The following BCKDHB variants were observed in gnomAD, a reference collection of about 807,000 sequenced individuals.
BCKDHB encodes the protein 2-oxoisovalerate dehydrogenase subunit beta, mitochondrial.
A neutral mutation model predicts 48.5 loss-of-function variants in BCKDHB; 41 were observed. The observed-to-expected ratio is 0.85, with a 90% CI of 0.66 to 1.10. The LOEUF (loss-of-function observed/expected upper bound fraction) is 1.10, where lower values mean the gene tolerates loss of function less well. Among genes scored for constraint, BCKDHB ranks in the 50% least tolerant of loss-of-function variants. The pLI, the probability that BCKDHB is intolerant of heterozygous loss-of-function variation, is 0.00. For synonymous variants in BCKDHB, 201 were observed against 174.8 expected, an observed-to-expected ratio of 1.15 and a Z score of -1.18; for missense variants, 496 against 494.2, an observed-to-expected ratio of 1.00 and a Z score of -0.03.
intron 1 of BCKDHB, 64 bp from the exon 2 acceptor site, chr6:80,127,483 A>G: frequency 7.6e-7 from 1 of 1,323,696 alleles, no homozygotes; most frequent in South Asian, 1.2e-5. Context: ...ATTAACTGTT[A>G]AGAAACTGGT....
At chr6:80,216,798 G>C (rs983951885) in intron 8 of BCKDHB, among the ~76,000 whole-genome samples, 1 of 151,968 alleles carries the variant, frequency 6.6e-6, no homozygotes, top group Non-Finnish European at 1.5e-5. Context: ...CTTTTTTTAC[G>C]AAATTGTATT....
chr6:80,114,496 G>C (rs1342735461), intron 1 of BCKDHB, among the ~76,000 whole-genome samples: 1 of 151,970 alleles, frequency 6.6e-6, no homozygotes, highest in Non-Finnish European at 1.5e-5. Flanking sequence ...CAGTCCTCTT[G>C]CTTTGGCCTC....
At chr6:80,227,898 G>A (rs1017391290) in intron 8 of BCKDHB, among the ~76,000 whole-genome samples, 1 of 152,188 alleles carries the variant, frequency 6.6e-6, no homozygotes, top group African/African-American at 2.4e-5. Context: ...AGAACCCACT[G>A]TAGGGGGTTA....
rs565811708 is a variant in BCKDHB at position 80,137,632 on chromosome 6, T to C, written c.343+8403T>C. ...GAAATGGAGGGTATATCTAGTCTAGTGGTTTTCAACTGCTGGTGATTTTGG... is the reference window on the plus strand; with the variant it reads ...GAAATGGAGGGTATATCTAGTCTAGCGGTTTTCAACTGCTGGTGATTTTGG... On this transcript the variant is annotated intron_variant, in intron 3 of 9. Transcript: ENST00000320393. 2.0e-5 allele frequency among the ~76,000 whole-genome samples: 3 copies of C among 152,250 alleles called. No individual in the cohort carries two copies. The South Asian group carries it at 6.2e-4, about 32-fold the overall frequency.
At chr6:80,448,577 G>GGGA in the BCKDHB span, among the ~76,000 whole-genome samples, 1 of 151,674 alleles carries the variant, frequency 6.6e-6, no homozygotes, top group Non-Finnish European at 1.5e-5. Context: ...TGGGACAAGG[G>GGGA]GGAAAAAAGG....
chr6:80,199,342 C>T (rs1176888912), intron 6 of BCKDHB, among the ~76,000 whole-genome samples: 6 of 152,138 alleles, frequency 3.9e-5, no homozygotes, highest in Non-Finnish European at 1.5e-5. Context: ...AACTGGGAGC[C>T]TTCCAGAGGG....
In BCKDHB at chr6:80,231,233, A is replaced by G. The variant is rs573098971; in HGVS notation, c.951+28021A>G. ...ATGATGCTTTAAATATAAAAACCAA[A>G]TAGTAAAACAATAGAAAAAAATTTA... On this transcript the variant is annotated intron_variant, in intron 8 of 9. Transcript: ENST00000320393. Among the ~76,000 whole-genome samples the G allele has an allele frequency of 2.6e-5, 4 of 152,348 alleles. No individual in the cohort carries two copies. The South Asian group carries it at 8.3e-4, about 32-fold the overall frequency.
chr6:80,446,694 A>C, the BCKDHB span, among the ~76,000 whole-genome samples: 1 of 151,804 alleles, frequency 6.6e-6, no homozygotes, highest in Non-Finnish European at 1.5e-5. Context: ...ATTTTGGAGA[A>C]TAAACCTGAG....
the BCKDHB span, among the ~76,000 whole-genome samples, chr6:80,359,502 T>G: frequency 1.3e-5 from 2 of 152,228 alleles, no homozygotes; most frequent in African/African-American, 4.8e-5. Context: ...GGGTTTATCC[T>G]TTTAAAAAAG....
Position 80,186,086 on chromosome 6 carries a change from G to A in BCKDHB, c.742+14696G>A, listed in dbSNP as rs574553035. ...AGAGTGCCAGCTGTGGTAGTAGAAGGGGGATACAAGTTTGTTCTTTGTTGG... is the reference window on the plus strand; with the variant it reads ...AGAGTGCCAGCTGTGGTAGTAGAAGAGGGATACAAGTTTGTTCTTTGTTGG... On this transcript the variant is annotated intron_variant, in intron 6 of 9. Coordinates refer to ENST00000320393, the MANE Select transcript of BCKDHB (RefSeq NM_183050.4). 4.6e-5 allele frequency among the ~76,000 whole-genome samples: 7 copies of A among 152,186 alleles called. No homozygotes were observed. The East Asian group carries it at 1.4e-3, about 29-fold the overall frequency.
chr6:80,387,754 T>C, the BCKDHB span, among the ~76,000 whole-genome samples: 3 of 152,270 alleles, frequency 2.0e-5, no homozygotes, highest in East Asian at 5.8e-4. Context: ...CTCAAGGGTA[T>C]ATCAACTCTC....
chr6:80,228,954 C>T (rs529072667), intron 8 of BCKDHB, among the ~76,000 whole-genome samples: 2 of 152,306 alleles, frequency 1.3e-5, no homozygotes, highest in South Asian at 4.1e-4. Flanking sequence ...TCAGGTATGC[C>T]TGAACATGCC....
the BCKDHB span, among the ~76,000 whole-genome samples, chr6:80,393,931 A>G: frequency 1.2e-4 from 18 of 152,238 alleles, no homozygotes; most frequent in South Asian, 4.1e-4. Flanking sequence ...TTTCTAAAAC[A>G]TATTTTTTAA....
At chr6:80,357,509 A>G in the BCKDHB span, among the ~76,000 whole-genome samples, 1 of 152,142 alleles carries the variant, frequency 6.6e-6, no homozygotes, top group Non-Finnish European at 1.5e-5. Flanking sequence ...AGAGAAGGCA[A>G]AGAAGGGTGG....
chr6:80,286,693 T>A (rs2127980215), intron 9 of BCKDHB, among the ~76,000 whole-genome samples: 1 of 152,242 alleles, frequency 6.6e-6, no homozygotes, highest in East Asian at 1.9e-4. Context: ...TCATTGAAAG[T>A]TTTTTGCCTT....
chr6:80,118,986 A>G (rs1769857773), intron 1 of BCKDHB, among the ~76,000 whole-genome samples: 1 of 152,114 alleles, frequency 6.6e-6, no homozygotes. Context: ...TGAAGTTTTG[A>G]ATCCCTCAAA....
At chr6:80,294,990 C>G (rs968881973) in intron 9 of BCKDHB, among the ~76,000 whole-genome samples, 10 of 152,000 alleles carry the variant, frequency 6.6e-5, no homozygotes, top group African/African-American at 2.4e-4. Context: ...AGTTTTACAC[C>G]CCCTCCCCTT....
the BCKDHB span, among the ~76,000 whole-genome samples, chr6:80,451,273 C>G: frequency 0.015 from 2,336 of 152,232 alleles, 57 homozygotes; most frequent in African/African-American, 0.053. Flanking sequence ...AGCGTATAGG[C>G]TCTTTTTAAA....
intron 8 of BCKDHB, among the ~76,000 whole-genome samples, chr6:80,216,454 T>G (rs1428652457): frequency 1.3e-5 from 2 of 152,228 alleles, no homozygotes. Flanking sequence ...ATTTAGCATT[T>G]TTTTTCCTTC....
Sources: allele counts gnomAD v4.1 joint callset (sites outside exome capture counted in the v4.1 genomes callset), GRCh38; gene constraint gnomAD v4.1.1; transcripts MANE v1.5; gene names NCBI Gene and HGNC (gene_info 2026-07-23, HGNC 2026-07-21).